Variants in TENM2 observed in about 807,000 individuals in gnomAD.
TENM2 encodes teneurin transmembrane protein 2.
TENM2 carries 52 observed loss-of-function variants against 245.2 expected under a neutral mutation model. The ratio of observed to expected loss-of-function variants is 0.21; its 90% CI spans 0.17 to 0.27. The LOEUF (loss-of-function observed/expected upper bound fraction) is 0.27. Among genes scored for constraint, TENM2 ranks in the 10% least tolerant of loss-of-function variants. TENM2 has a pLI of 1.00. For synonymous variants in TENM2, 1,363 were observed against 1,438.9 expected, an observed-to-expected ratio of 0.95 and a Z score of 1.19; for missense variants, 3,046 against 3,666.8, an observed-to-expected ratio of 0.83 and a Z score of 4.37.
chr5:167,796,753 T>A (rs549718724), intron 2 of TENM2, among the ~76,000 whole-genome samples: 2 of 152,220 alleles, frequency 1.3e-5, no homozygotes, highest in South Asian at 4.1e-4. Context: ...CGTAGGCTGG[T>A]AATAGCAACT....
intron 27 of TENM2, among the ~76,000 whole-genome samples, chr5:168,255,238 T>C (rs6882883): frequency 0.98 from 148,988 of 152,290 alleles, 72,903 homozygotes; most frequent in East Asian, 1. Flanking sequence ...CTTAATTCTT[T>C]CAATTCAGAG....
chr5:167,260,278 G>C, the TENM2 span, among the ~76,000 whole-genome samples: 5 of 151,606 alleles, frequency 3.3e-5, no homozygotes, highest in Non-Finnish European at 5.9e-5. Context: ...AGCATTGTTT[G>C]TTCCTTTTTG....
chr5:167,062,929 A>G, the TENM2 span, among the ~76,000 whole-genome samples: 88 of 152,128 alleles, frequency 5.8e-4, no homozygotes, highest in African/African-American at 2.1e-3. Flanking sequence ...AAGAAACACA[A>G]TCTTTCTGGC....
At chr5:167,894,874 G>C (rs1054917416) in intron 3 of TENM2, among the ~76,000 whole-genome samples, 2 of 149,308 alleles carry the variant, frequency 1.3e-5, no homozygotes, top group African/African-American at 2.5e-5. Context: ...TTTTATTCTC[G>C]TAACTTACTA....
At chr5:168,231,102 AGCAGGCCTGGATACG>A (rs1459289558) in intron 25 of TENM2, 10 of 152,360 alleles carry the variant, frequency 6.6e-5, no homozygotes, top group African/African-American at 2.4e-4. Flanking sequence ...GAGCTTAATA[AGCAGGCCTGGATACG>A]GCAGGCCTCA....
chr5:167,064,649 A>G, the TENM2 span, among the ~76,000 whole-genome samples: 2 of 152,172 alleles, frequency 1.3e-5, no homozygotes, highest in Non-Finnish European at 2.9e-5. Context: ...GTTGCAGTGC[A>G]TGGCTCAGTT....
chr5:168,047,626 T>C, intron 6 of TENM2, 77 bp downstream of exon 8: 1 of 1,495,036 alleles, frequency 6.7e-7, no homozygotes, highest in Non-Finnish European at 9.0e-7. Flanking sequence ...TCAGGTTTTC[T>C]AATCCAAATC....
chr5:168,156,256 A>AAAAAAAAAAC lies in TENM2; in HGVS notation c.2423-6346_2423-6345insCAAAAAAAAA, dbSNP rs1554210151. On this transcript the variant is annotated intron_variant, in intron 12 of 28. Transcript: ENST00000518659. ...AGGTTTTCCCCATAGTTAAAAAAAA[A>AAAAAAAAAAC]AAAAAAAAAACACTTTTTTTTTTTC... Among the ~76,000 whole-genome samples, 12 of 149,628 alleles carry AAAAAAAAAAC rather than the reference A, an allele frequency of 8.0e-5. No homozygotes were observed. The East Asian group carries it at 2.1e-3, about 27-fold the overall frequency.
intron 2 of TENM2, among the ~76,000 whole-genome samples, chr5:167,416,131 G>A (rs976230117): frequency 6.6e-6 from 1 of 152,164 alleles, no homozygotes; most frequent in African/African-American, 2.4e-5. Flanking sequence ...GCTTAGCAGC[G>A]ATTCAGGAAG....
chr5:167,445,332 T>TAGGGAGAGAGAGAGAGAGAGAG lies in TENM2; in HGVS notation c.502+69860_502+69861insGGGAGAGAGAGAGAGAGAGAGA, dbSNP rs71591182. The stretch of plus-strand genomic sequence containing the variant: ...ATGATTATATATATATATATATATA[T>TAGGGAGAGAGAGAGAGAGAGAG]ATATAGAGAGAGAGAGAGAGAGAGA... On this transcript the variant is annotated intron_variant, in intron 2 of 28. Coordinates refer to ENST00000518659, the Ensembl canonical transcript of TENM2. Among the ~76,000 whole-genome samples, 85 of 77,012 alleles carry TAGGGAGAGAGAGAGAGAGAGAG rather than the reference T, an allele frequency of 1.1e-3. 2 individuals carry two copies. Among genetic ancestry groups the TAGGGAGAGAGAGAGAGAGAGAG allele is most frequent in the African/African-American group, 1.6e-3 (27 of 17,252 alleles). 50.5% of individuals were successfully genotyped at this position (77,012 alleles called of 152,430 possible). A position where few individuals can be genotyped will look rare whatever the true frequency, so the allele number is the denominator to read the frequency against.
chr5:166,997,808 C>T, the TENM2 span, among the ~76,000 whole-genome samples: 2 of 152,094 alleles, frequency 1.3e-5, no homozygotes, highest in African/African-American at 4.8e-5. Context: ...TTGACTTATG[C>T]TAAGTGCCGG....
Position 167,354,423 on chromosome 5 carries a change from C to T in TENM2, c.227-20775C>T, listed in dbSNP as rs186502898. Among the ~76,000 whole-genome samples the T allele has an allele frequency of 2.9e-3, 435 of 152,300 alleles. 1 individual carries two copies. Among genetic ancestry groups the T allele is most frequent in the Admixed American group, 4.6e-3 (70 of 15,300 alleles). ...AATTTAGGAGTCCATAAACCATTGT[C>T]TTATAAAAAACAGTTTCATTTCTGT... On this transcript the variant is annotated intron_variant, in intron 1 of 28. Transcript: ENST00000518659.
chr5:167,772,780 A>C (rs1763489656), intron 2 of TENM2, among the ~76,000 whole-genome samples: 1 of 152,186 alleles, frequency 6.6e-6, no homozygotes. Context: ...AAATAAAACC[A>C]TTCTCAGTTT....
chr5:167,842,066 C>T (rs1769569171), intron 2 of TENM2, among the ~76,000 whole-genome samples: 1 of 151,960 alleles, frequency 6.6e-6, no homozygotes, highest in Non-Finnish European at 1.5e-5. Context: ...GTGATCCTAG[C>T]ACATCTCATA....
intron 2 of TENM2, among the ~76,000 whole-genome samples, chr5:167,695,675 T>G (rs539535373): frequency 6.6e-6 from 1 of 151,994 alleles, no homozygotes; most frequent in Admixed American, 6.5e-5. Flanking sequence ...AACATTTTAT[T>G]TTACCCTCTA....
intron 2 of TENM2, among the ~76,000 whole-genome samples, chr5:167,582,559 C>T (rs1328282629): frequency 6.6e-6 from 1 of 152,100 alleles, no homozygotes; most frequent in East Asian, 1.9e-4. Flanking sequence ...CGACTAATGA[C>T]ATTAGGAACT....
the TENM2 span, among the ~76,000 whole-genome samples, chr5:167,138,186 A>G: frequency 6.6e-6 from 1 of 152,360 alleles, no homozygotes; most frequent in East Asian, 1.9e-4. Flanking sequence ...ATCTTTTTAG[A>G]AAATAATCAA....
intron 3 of TENM2, among the ~76,000 whole-genome samples, chr5:167,917,216 C>G (rs557966183): frequency 1.3e-5 from 2 of 152,298 alleles, no homozygotes; most frequent in South Asian, 4.1e-4. Flanking sequence ...GACTTGCTCA[C>G]CAAACAAGAT....
At chr5:167,527,652 C>T (rs1771212985) in intron 2 of TENM2, among the ~76,000 whole-genome samples, 1 of 152,102 alleles carries the variant, frequency 6.6e-6, no homozygotes, top group Non-Finnish European at 1.5e-5. Context: ...TCTGTGCATA[C>T]ATCTCTTATT....
Sources: gnomAD v4.1 joint callset for allele counts (sites outside exome capture counted in the v4.1 genomes callset) on GRCh38, gnomAD v4.1.1 for gene constraint, MANE v1.5 for transcripts, NCBI Gene and HGNC (gene_info 2026-07-23, HGNC 2026-07-21) for gene names.